The following DNAJB13 variants were observed in gnomAD, a reference collection of about 807,000 sequenced individuals.
The protein encoded by DNAJB13 is dnaJ homolog subfamily B member 13.
In DNAJB13, 22 loss-of-function variants were observed where a neutral mutation model predicts 35.6. That is an observed-to-expected ratio of 0.62 (90% CI 0.44 to 0.88). DNAJB13 has a LOEUF of 0.88. Ranked by LOEUF, DNAJB13 falls within the 40% of genes least tolerant of loss-of-function variation. DNAJB13 has a pLI of 0.00. For missense variants in DNAJB13, 370 were observed against 384.3 expected, an observed-to-expected ratio of 0.96 and a Z score of 0.31; for synonymous variants, 136 against 144.2, an observed-to-expected ratio of 0.94 and a Z score of 0.41.
chr11:73,959,619 T>C lies in DNAJB13; in HGVS notation c.298T>C (p.Phe100Leu), dbSNP rs1249459822. Residue 100 changes from phenylalanine (F) to leucine (L), a missense_variant, in exon 3 of 8, where the codon TTC becomes CTC. Phe to Leu is a conservative substitution (Grantham distance 22). Coordinates refer to ENST00000339764, the MANE Select transcript of DNAJB13 (RefSeq NM_153614.4). Reference sequence around the variant, plus strand: ...CTTCCATGGCAAACCTGAAAAGGTGTTCCACGAGTTCTTTGGTGGAAACAA... The same window carrying C: ...CTTCCATGGCAAACCTGAAAAGGTGCTCCACGAGTTCTTTGGTGGAAACAA... ...YVFHGKPEKV[F>L]HEFFGGNNPF... is the part of the protein sequence containing the mutation. 2 of 1,614,224 alleles carry C rather than the reference T, an allele frequency of 1.2e-6. No homozygotes were observed. Among genetic ancestry groups the C allele is most frequent in the Non-Finnish European group, 1.7e-6 (2 of 1,180,016 alleles).
At position 73,969,282 on chromosome 11, in the gene DNAJB13, G is replaced by A. The variant is rs140556652; in HGVS notation, c.757G>A (p.Asp253Asn). 368 of 872,802 alleles carry A rather than the reference G, an allele frequency of 4.2e-4. No homozygotes were observed. The African/African-American group carries it at 5.1e-3, about 12-fold the overall frequency. 54.1% of individuals were successfully genotyped at this position (872,802 alleles called of 1,614,324 possible). A position where few individuals can be genotyped will look rare whatever the true frequency, so the allele number is the denominator to read the frequency against. ...TCCTVEVRTL[D>N]DRLLNIPIND... The stretch of plus-strand genomic sequence containing the variant: ...CTGCACTGTGGAGGTGAGGACCCTA[G>A]ATGACCGTCTGCTCAACATCCCCAT... The change falls in exon 7 of 8, where the codon GAT becomes AAT. Residue 253 changes from aspartate (D) to asparagine (N), a missense_variant. Asp to Asn is a conservative substitution (Grantham distance 23). Coordinates refer to ENST00000339764, the MANE Select transcript of DNAJB13 (RefSeq NM_153614.4).
chr11:73,954,732 G>C (rs1022378119), intron 1 of DNAJB13, among the ~76,000 whole-genome samples: 1 of 152,090 alleles, frequency 6.6e-6, no homozygotes, highest in African/African-American at 2.4e-5. Context: ...GAGGCAGGAG[G>C]ATCTCCTGAG....
Position 73,968,474 on chromosome 11 carries a change from G to C in DNAJB13, c.720+16G>C. The stretch of plus-strand genomic sequence containing the variant: ...TCTTGGCAAGGTGAGTGGGCAAAGT[G>C]CAGGAGCAGCGGGGAGGAGATCAGA... On this transcript the variant is annotated intron_variant, in intron 6 of 7. Coordinates refer to ENST00000339764, the MANE Select transcript of DNAJB13 (RefSeq NM_153614.4). 6.2e-7 allele frequency: 1 copy of C among 1,608,036 alleles called. No individual in the cohort carries two copies. Among genetic ancestry groups the C allele is most frequent in the Non-Finnish European group, 8.5e-7 (1 of 1,175,422 alleles).
chr11:73,968,624 AC>A (rs1951192113), intron 6 of DNAJB13, among the ~76,000 whole-genome samples, 166 bp downstream of exon 6: 1 of 152,014 alleles, frequency 6.6e-6, no homozygotes, highest in South Asian at 2.1e-4. Flanking sequence ...GCTCATCTGC[AC>A]CGCCTGGATC....
intron 2 of DNAJB13, 110 bp downstream of exon 2, chr11:73,958,530 T>C: frequency 9.9e-7 from 1 of 1,008,380 alleles, no homozygotes; most frequent in Admixed American, 2.2e-5. Flanking sequence ...CCTTCTTCCC[T>C]GCCTAGAATC....
Position 73,964,817 on chromosome 11 carries a change from G to GCGCGCCCC in DNAJB13, c.335-56_335-55insCCCCGCGC. 9 of 1,513,084 alleles carry GCGCGCCCC rather than the reference G, an allele frequency of 5.9e-6. 1 individual carries two copies. The highest frequency in any genetic ancestry group is 6.3e-6 in the Non-Finnish European group (7 of 1,104,768). The allele number at this position is 1,513,084 out of a possible 1,614,324, so 93.7% of individuals were successfully genotyped here. On this transcript the variant is annotated intron_variant, in intron 3 of 7. Transcript: ENST00000339764. ...TGTGTGTGTGTGTGTGTGTGTGCGC[G>GCGCGCCCC]CGCGCGCATGTCTGGGTCTCTGGAT...
At chr11:73,964,591 G>C (rs186529221) in intron 3 of DNAJB13, 6 of 340,194 alleles carry the variant, frequency 1.8e-5, no homozygotes, top group African/African-American at 4.7e-5. Flanking sequence ...TGGGCGGGGT[G>C]GGGGGGGAAT....
chr11:73,966,196 T>G lies in DNAJB13; in HGVS notation c.551T>G (p.Val184Gly), dbSNP rs1466145563. ...TIKDKILTID[V>G]KPGWRQGTRI... ...AAGGACAAGATCCTGACCATTGATG[T>G]GAAGCCCGGTTGGAGGCAGGGCACA... Residue 184 changes from valine (V) to glycine (G), a missense_variant, in exon 5 of 8, where the codon GTG becomes GGG. Coordinates refer to ENST00000339764, the MANE Select transcript of DNAJB13 (RefSeq NM_153614.4). 6.2e-7 allele frequency: 1 copy of G among 1,613,588 alleles called. No homozygotes were observed. Among genetic ancestry groups the G allele is most frequent in the Non-Finnish European group, 8.5e-7 (1 of 1,179,946 alleles).
At chr11:73,964,688 G>A in intron 3 of DNAJB13, 190 bp from the exon 4 acceptor site, 1 of 633,418 alleles carries the variant, frequency 1.6e-6, no homozygotes, top group East Asian at 2.9e-5. Context: ...GGCTTGGCCA[G>A]TCTGAGAGGT....
intron 3 of DNAJB13, chr11:73,964,511 A>C: frequency 4.0e-6 from 1 of 248,398 alleles, no homozygotes; most frequent in Non-Finnish European, 7.4e-6. Flanking sequence ...CACCAGAGGG[A>C]GTGCCTCCCT....
chr11:73,959,540 G>A lies in DNAJB13; in HGVS notation c.219G>A (p.Lys73=). 1 of 1,614,150 alleles carries A rather than the reference G, an allele frequency of 6.2e-7. No homozygotes were observed. The highest frequency in any genetic ancestry group is 8.5e-7 in the Non-Finnish European group (1 of 1,180,014). ...ACAAGTTTGGAGAAGAGGGCCTGAA[G>A]GGTGGGATTCCTTTGGAGTTTGGAT... The part of the protein sequence containing the change: ...IYDKFGEEGL[K]GGIPLEFGSQ... Residue 73 remains lysine (K), a synonymous_variant, in exon 3 of 8, where the codon AAG becomes AAA. Transcript: ENST00000339764.
At chr11:73,964,192 TGCACTGG>T (rs1565174896) in intron 3 of DNAJB13, 1 of 152,766 alleles carries the variant, frequency 6.5e-6, no homozygotes, top group Non-Finnish European at 1.5e-5. Flanking sequence ...GGGCTGTCTT[TGCACTGG>T]GAGGAAGGAT....
chr11:73,970,090 G>A lies in DNAJB13; in HGVS notation c.927G>A (p.Met309Ile), dbSNP rs72982975. ...PTRLTPQKKQ[M>I]LRQALLT Reference sequence around the variant, plus strand: ...GCCTCACACCCCAGAAGAAGCAGATGCTGCGCCAGGCATTGCTGACATGAC... The same window carrying A: ...GCCTCACACCCCAGAAGAAGCAGATACTGCGCCAGGCATTGCTGACATGAC... The change falls in exon 8 of 8, where the codon ATG becomes ATA. Residue 309 changes from methionine to isoleucine, a missense_variant. Met to Ile is a conservative substitution (Grantham distance 10). Transcript: ENST00000339764. 395,621 of 1,605,714 alleles carry A rather than the reference G, an allele frequency of 0.25. 49,980 individuals are homozygous for A. Among genetic ancestry groups the A allele is most frequent in the Admixed American group, 0.33 (19,137 of 58,806 alleles).
Position 73,969,470 on chromosome 11 carries a change from G to A in DNAJB13, c.797+148G>A, listed in dbSNP as rs1257970115. 6.6e-6 allele frequency: 4 copies of A among 602,756 alleles called. No homozygotes were observed. The Admixed American group carries it at 1.3e-4, about 19-fold the overall frequency. The allele number at this position is 602,756 out of a possible 1,614,324, so 37.3% of individuals were successfully genotyped here. ...TGAGGGGATAGAGAGGACCAAAACTGAACCCACACTGGCCAAGCTGTGGGC... is the reference window on the plus strand; with the variant it reads ...TGAGGGGATAGAGAGGACCAAAACTAAACCCACACTGGCCAAGCTGTGGGC... On this transcript the variant is annotated intron_variant, in intron 7 of 7. Coordinates refer to ENST00000339764, the MANE Select transcript of DNAJB13 (RefSeq NM_153614.4).
At chr11:73,965,060 G>T in intron 4 of DNAJB13, 25 bp downstream of exon 4, 1 of 1,537,340 alleles carries the variant, frequency 6.5e-7, no homozygotes, top group Non-Finnish European at 8.7e-7. Flanking sequence ...TGCTCCTCCC[G>T]GGAGCCACCT....
chr11:73,964,659 C>T, intron 3 of DNAJB13: 1 of 560,802 alleles, frequency 1.8e-6, no homozygotes, highest in Non-Finnish European at 3.2e-6. Flanking sequence ...ACTGCATCTG[C>T]AGTTGAAGAC....
intron 6 of DNAJB13, among the ~76,000 whole-genome samples, chr11:73,968,863 G>A (rs1373773246): frequency 2.6e-5 from 4 of 151,982 alleles, no homozygotes; most frequent in South Asian, 2.1e-4. Context: ...TCACACCTCC[G>A]TTCTCATTTC....
chr11:73,964,400 C>T, intron 3 of DNAJB13: 1 of 161,798 alleles, frequency 6.2e-6, no homozygotes, highest in Non-Finnish European at 1.4e-5. Context: ...GGCTGGACAG[C>T]GAAGGGTTAT....
At chr11:73,966,946 G>A (rs554012489) in intron 5 of DNAJB13, among the ~76,000 whole-genome samples, 64 of 147,964 alleles carry the variant, frequency 4.3e-4, no homozygotes, top group African/African-American at 1.3e-3. Flanking sequence ...TCCGCCTCCC[G>A]GGTTCAAGTT....
Sources: gnomAD v4.1 joint callset for allele counts (sites outside exome capture counted in the v4.1 genomes callset) on GRCh38, gnomAD v4.1.1 for gene constraint, MANE v1.5 for transcripts, NCBI Gene and HGNC (gene_info 2026-07-23, HGNC 2026-07-21) for gene names.